Variants in PRKCZ observed in about 807,000 individuals in gnomAD.
PRKCZ encodes protein kinase C zeta type.
PRKCZ carries 33 observed loss-of-function variants against 79.5 expected under a neutral mutation model. That is an observed-to-expected ratio of 0.41 (90% CI 0.31 to 0.55). PRKCZ has a LOEUF of 0.55. Among genes scored for constraint, PRKCZ ranks in the 20% least tolerant of loss-of-function variants. The pLI is 0.19. For missense variants in PRKCZ, 578 were observed against 813.5 expected (o/e 0.71, Z 3.52); for synonymous variants, 342 against 320.9 (o/e 1.07, Z -0.70).
At chr1:2,107,240 G>A (rs959327390) in intron 4 of PRKCZ, among the ~76,000 whole-genome samples, 29 of 152,246 alleles carry the variant, frequency 1.9e-4, no homozygotes, top group African/African-American at 6.5e-4. Flanking sequence ...TTCCGTGGCT[G>A]TGTGGGCTCC....
intron 9 of PRKCZ, among the ~76,000 whole-genome samples, chr1:2,155,134 G>A (rs547014923): frequency 1.5e-4 from 22 of 150,702 alleles, no homozygotes; most frequent in Non-Finnish European, 2.4e-4. Context: ...TGATGGTGAC[G>A]ATGATGGTGA....
At chr1:2,117,709 A>G (rs1671019348) in intron 4 of PRKCZ, among the ~76,000 whole-genome samples, 1 of 152,162 alleles carries the variant, frequency 6.6e-6, no homozygotes, top group African/African-American at 2.4e-5. Context: ...CAACAAATTA[A>G]AGAGGTTCTA....
At chr1:2,059,792 G>A (rs1260016928) in intron 4 of PRKCZ, among the ~76,000 whole-genome samples, 1 of 152,216 alleles carries the variant, frequency 6.6e-6, no homozygotes, top group Non-Finnish European at 1.5e-5. Context: ...GCACCACATG[G>A]CGGGGGACTC....
chr1:2,144,235 A>G lies in PRKCZ; in HGVS notation c.446A>G (p.Glu149Gly). Reference protein sequence around the residue: ...NRRAYCGQCSERIWGLARQGY... With the variant: ...NRRAYCGQCSGRIWGLARQGY... ...AGAGCGTACTGCGGTCAGTGCAGCG[A>G]GAGGATATGGGGCCTCGCGAGGCAA... Residue 149 changes from glutamate to glycine, a missense_variant, in exon 6 of 18, where the codon GAG becomes GGG. Physicochemically the swap from Glu to Gly is moderately conservative, Grantham distance 98 (BLOSUM62 -2). Around this residue, in one of 4 missense-constraint regions of PRKCZ, gnomAD observed 228 missense variants for 211.6 expected, o/e 1.08. Transcript: ENST00000378567. The G allele has an allele frequency of 6.4e-7, 1 of 1,553,118 alleles. No homozygotes were observed. Among genetic ancestry groups the G allele is most frequent in the Admixed American group, 2.0e-5 (1 of 51,050 alleles).
intron 4 of PRKCZ, among the ~76,000 whole-genome samples, chr1:2,103,425 G>A (rs1667836071): frequency 6.6e-6 from 1 of 150,966 alleles, no homozygotes; most frequent in South Asian, 2.1e-4. Flanking sequence ...TTCATCAGCA[G>A]CTGGCACGTC....
intron 5 of PRKCZ, among the ~76,000 whole-genome samples, chr1:2,139,848 C>A (rs1201344029): frequency 6.6e-6 from 1 of 152,224 alleles, no homozygotes; most frequent in Non-Finnish European, 1.5e-5. Flanking sequence ...GTTAGCTACT[C>A]CCTTTGCTGT....
chr1:2,133,238 G>GC, intron 4 of PRKCZ, among the ~76,000 whole-genome samples: 2 of 148,446 alleles, frequency 1.3e-5, no homozygotes, highest in South Asian at 4.3e-4. Flanking sequence ...CCTCAGCTCC[G>GC]CCCCCCAGCT....
At chr1:2,162,719 A>C (rs564258445) in intron 10 of PRKCZ, among the ~76,000 whole-genome samples, 2 of 152,228 alleles carry the variant, frequency 1.3e-5, no homozygotes, top group East Asian at 3.9e-4. Flanking sequence ...GAGTGCTGGC[A>C]TTTCAGGCGT....
Position 2,094,026 on chromosome 1 carries a change from T to C in PRKCZ, c.334+34435T>C, listed in dbSNP as rs1665981273. On this transcript the variant is annotated intron_variant, in intron 4 of 17. Transcript: ENST00000378567. The surrounding 1 kb of genome is among the most constrained non-coding windows in gnomAD (Gnocchi z 7.3). ...ACGTGTGTCTGCTCCCTGCGGCACG[T>C]CCACAGCACCTGCCAGCCCACTTTG... Among the ~76,000 whole-genome samples, 1 of 152,152 alleles carries C rather than the reference T, an allele frequency of 6.6e-6. No individual in the cohort carries two copies. The highest frequency in any genetic ancestry group is 2.4e-5 in the African/African-American group (1 of 41,406).
chr1:2,096,711 A>G (rs1666586973), intron 4 of PRKCZ, among the ~76,000 whole-genome samples: 1 of 152,094 alleles, frequency 6.6e-6, no homozygotes, highest in Non-Finnish European at 1.5e-5. Flanking sequence ...AGCGGTCCGA[A>G]TCAGGGTCTG....
intron 4 of PRKCZ, chr1:2,073,664 A>C: frequency 1.0e-6 from 1 of 992,468 alleles, no homozygotes; most frequent in Non-Finnish European, 1.2e-6. Context: ...TTTGTGCCTC[A>C]GCTGCTGGCT....
chr1:2,058,625 G>A (rs1476689560), intron 3 of PRKCZ, among the ~76,000 whole-genome samples: 2 of 152,158 alleles, frequency 1.3e-5, no homozygotes, highest in Admixed American at 1.3e-4. Context: ...GCTGGGTTCA[G>A]TGGCACACAC....
intron 10 of PRKCZ, among the ~76,000 whole-genome samples, chr1:2,166,595 C>A (rs1387328910): frequency 6.6e-6 from 1 of 151,876 alleles, no homozygotes; most frequent in African/African-American, 2.4e-5. Context: ...GCTACCAGGA[C>A]ACGGAGGGGC....
rs1275772396 is a variant in PRKCZ, at chr1:2,149,293, C to T, written c.687+369C>T. ...TTCCGAATTGTGTTGCCTCATTTGG[C>T]CATCCTGGCAAACCCTCTGAAGCCC... On this transcript the variant is annotated intron_variant, in intron 8 of 17. Coordinates refer to ENST00000378567, the MANE Select transcript of PRKCZ (RefSeq NM_002744.6). The surrounding 1 kb of genome is among the most constrained non-coding windows in gnomAD (Gnocchi z 4.1). Among the ~76,000 whole-genome samples, 1 of 152,208 alleles carries T rather than the reference C, an allele frequency of 6.6e-6. No homozygotes were observed. The highest frequency in any genetic ancestry group is 1.5e-5 in the Non-Finnish European group (1 of 68,030).
At position 2,174,841 on chromosome 1, in the gene PRKCZ, T is replaced by G; in HGVS notation, c.1485+8T>G. On this transcript the variant is annotated splice_region_variant and intron_variant, in intron 15 of 17. Transcript: ENST00000378567. This position sits in a 1 kb window ranked among gnomAD's most constrained non-coding sequence, Gnocchi z 6.2. ...AAAGGATTTTTAAATAAGGTACGTT[T>G]CTGGCCATGCTGACAAAATCTCGTT... 1 of 1,613,054 alleles carries G rather than the reference T, an allele frequency of 6.2e-7. No individual in the cohort carries two copies. Among genetic ancestry groups the G allele is most frequent in the South Asian group, 1.1e-5 (1 of 91,068 alleles).
intron 5 of PRKCZ, among the ~76,000 whole-genome samples, chr1:2,137,255 T>G (rs1676400898): frequency 6.6e-6 from 1 of 152,070 alleles, no homozygotes; most frequent in South Asian, 2.1e-4. Context: ...CCAGGAAAAC[T>G]GCTTCTCCCA....
intron 4 of PRKCZ, among the ~76,000 whole-genome samples, chr1:2,077,412 G>T (rs1662636905): frequency 6.6e-6 from 1 of 152,170 alleles, no homozygotes; most frequent in East Asian, 1.9e-4. Flanking sequence ...CGCATCGTGG[G>T]CCCAGATGGC....
chr1:2,131,165 G>A (rs1404431636), intron 4 of PRKCZ, among the ~76,000 whole-genome samples: 3 of 152,164 alleles, frequency 2.0e-5, no homozygotes, highest in African/African-American at 2.4e-5. Flanking sequence ...ATTTGTCCCC[G>A]TGGCGCCTGG....
chr1:2,153,547 A>G (rs59577840), intron 9 of PRKCZ, among the ~76,000 whole-genome samples: 7,078 of 152,242 alleles, frequency 0.046, 502 homozygotes, highest in African/African-American at 0.16. Context: ...GCAGAACTCA[A>G]AAGTGGGTGG....
Sources: allele counts gnomAD v4.1 joint callset (sites outside exome capture counted in the v4.1 genomes callset), GRCh38; gene constraint gnomAD v4.1.1; regional missense constraint gnomAD v4.1.1; non-coding constraint Gnocchi (gnomAD v3.1); transcripts MANE v1.5; gene names NCBI Gene and HGNC (gene_info 2026-07-23, HGNC 2026-07-21).